PTPRH: variants seen among roughly 807,000 people sequenced by gnomAD.
The protein encoded by PTPRH is protein tyrosine phosphatase receptor type H.
PTPRH carries 113 observed loss-of-function variants against 130.2 expected under a neutral mutation model. That is an observed-to-expected ratio of 0.87 (90% CI 0.75 to 1.01). The LOEUF (loss-of-function observed/expected upper bound fraction) is 1.01. Ranked by LOEUF, PTPRH falls within the 50% of genes least tolerant of loss-of-function variation. The pLI, the probability that PTPRH is intolerant of heterozygous loss-of-function variation, is 0.00. For missense variants in PTPRH, 1,430 were observed against 1,425.0 expected (o/e 1.00, Z -0.06); for synonymous variants, 556 against 577.9 (o/e 0.96, Z 0.54).
intron 5 of PTPRH, 125 bp downstream of exon 5, chr19:55,203,657 C>G (rs1408455685): frequency 8.7e-7 from 1 of 1,153,234 alleles, no homozygotes; most frequent in Non-Finnish European, 1.2e-6. Context: ...AATTGAAATT[C>G]TCACCTGTGG....
At position 55,202,179 on chromosome 19, in the gene PTPRH, G is replaced by A. The variant is rs370232572; in HGVS notation, c.1030C>T (p.Arg344Ter). 3.3e-5 allele frequency: 54 copies of A among 1,613,976 alleles called. No individual in the cohort carries two copies. Among genetic ancestry groups the A allele is most frequent in the Non-Finnish European group, 4.4e-5 (52 of 1,180,020 alleles). Residue 344 changes from arginine (R) to a stop codon, truncating the protein, a stop_gained, in exon 6 of 20, where the codon CGA (arginine) becomes TGA (stop). Transcript: ENST00000376350. LOFTEE classifies it high-confidence loss of function. The part of the protein sequence containing the change: ...YTGDGGRAGT[R>*]STAHTNITVD... Reference sequence around the variant, plus strand: ...GTGATGTTGGTGTGTGCTGTGCTTCGAGTCCCTGCTCTGCCACCATCTCCA... The same window carrying A: ...GTGATGTTGGTGTGTGCTGTGCTTCAAGTCCCTGCTCTGCCACCATCTCCA...
chr19:55,206,803 TTG>T lies in PTPRH; in HGVS notation c.236_237del (p.Thr79AsnfsTer29), dbSNP rs763825129. 86 of 1,614,056 alleles carry T rather than the reference TTG, an allele frequency of 5.3e-5. No homozygotes were observed. Among genetic ancestry groups the T allele is most frequent in the Middle Eastern group, 1.6e-4 (1 of 6,084 alleles). On this transcript the variant is annotated frameshift_variant, in exon 3 of 20. Transcript: ENST00000376350. LOFTEE classifies it high-confidence loss of function. Reference protein sequence around the residue: ...GDGGTTETRNTTATNVTVDGL... With the variant: ...GDGGTTETRNXTATNVTVDGL... ...CCATCCACGGTGACGTTGGTGGCTG[TTG>T]TGTTTCGAGTCTCTGTTGTGCCGCC... is the stretch of plus-strand genomic sequence containing the variant.
rs2147403265 is a variant in PTPRH, at chr19:55,187,501, C to T, written c.2566+12G>A. 6.2e-7 allele frequency: 1 copy of T among 1,605,796 alleles called. No homozygotes were observed. Among genetic ancestry groups the T allele is most frequent in the Non-Finnish European group, 8.5e-7 (1 of 1,173,482 alleles). On this transcript the variant is annotated intron_variant, in intron 14 of 19. Coordinates refer to ENST00000376350, the MANE Select transcript of PTPRH (RefSeq NM_002842.5). ...AGGGCTGGGACAAAAGCAGCAGGAA[C>T]CCGAGACTCACAGGGCAGCACATTT...
In PTPRH at chr19:55,203,289, T is replaced by C. The variant is rs940612349; in HGVS notation, c.886+493A>G. On this transcript the variant is annotated intron_variant, in intron 5 of 19. Transcript: ENST00000376350. The stretch of plus-strand genomic sequence containing the variant: ...TTGCAGTGAGCCAAGATTGCGCCAC[T>C]GCACTCCAGCCTGGGCGACAGAGGG... Among the ~76,000 whole-genome samples, 8 of 134,446 alleles carry C rather than the reference T, an allele frequency of 6.0e-5. No homozygotes were observed. In the East Asian group the frequency reaches 6.6e-4, roughly 11 times the overall value. The allele number at this position is 134,446 out of a possible 152,430, so 88.2% of individuals were successfully genotyped here. A position where few individuals can be genotyped will look rare whatever the true frequency, so the allele number is the denominator to read the frequency against.
At chr19:55,197,061 C>CA in intron 9 of PTPRH, 56 bp downstream of exon 9, 3 of 1,584,732 alleles carry the variant, frequency 1.9e-6, no homozygotes, top group Non-Finnish European at 2.6e-6. Context: ...TCTCAGCTCG[C>CA]AAGGACTGTG....
chr19:55,201,306 A>G (rs902507434), intron 6 of PTPRH, among the ~76,000 whole-genome samples: 1 of 151,588 alleles, frequency 6.6e-6, no homozygotes, highest in Non-Finnish European at 1.5e-5. Flanking sequence ...CAGCCCAGGA[A>G]TTTGAGGCTG....
chr19:55,203,907 GTC>G lies in PTPRH; in HGVS notation c.759_760del (p.Glu253AspfsTer33), dbSNP rs1327032795. ...GACTCTGGTGTCTGTTGTGTTTCGA[GTC>G]TCTGTTCTGCCACCATCTCCAGTGC... is the stretch of plus-strand genomic sequence containing the variant. On this transcript the variant is annotated frameshift_variant, in exon 5 of 20. Transcript: ENST00000376350. LOFTEE classifies it high-confidence loss of function. 1.2e-6 allele frequency: 2 copies of G among 1,614,074 alleles called. No individual in the cohort carries two copies. Among genetic ancestry groups the G allele is most frequent in the East Asian group, 4.5e-5 (2 of 44,898 alleles).
At position 55,206,849 on chromosome 19, in the gene PTPRH, C is replaced by G. The variant is rs1452741809; in HGVS notation, c.192G>C (p.Trp64Cys). The change falls in exon 3 of 20, where the codon TGG becomes TGC. Residue 64 changes from tryptophan (W) to cysteine (C), a missense_variant. Trp to Cys is a radical substitution (Grantham distance 215). Transcript: ENST00000376350. ...TGCCGCCGTCTCCAGTACACTGAACCCAGTAGTTGGAGTTCTGTGAGTCTA... is the reference window on the plus strand; with the variant it reads ...TGCCGCCGTCTCCAGTACACTGAACGCAGTAGTTGGAGTTCTGTGAGTCTA... Reference protein sequence around the residue: ...DGLDSQNSNYWVQCTGDGGTT... With the variant: ...DGLDSQNSNYCVQCTGDGGTT... The G allele has an allele frequency of 3.7e-6, 6 of 1,614,146 alleles. No homozygotes were observed. Among genetic ancestry groups the G allele is most frequent in the Non-Finnish European group, 5.1e-6 (6 of 1,180,006 alleles).
chr19:55,183,400 G>A (rs748303059), intron 18 of PTPRH, among the ~76,000 whole-genome samples: 1 of 149,170 alleles, frequency 6.7e-6, no homozygotes, highest in Non-Finnish European at 1.5e-5. Context: ...GCAAGATTCC[G>A]TCCCCCACAA....
chr19:55,191,642 C>T (rs1220602794), intron 11 of PTPRH, 21 bp downstream of exon 11: 4 of 1,613,256 alleles, frequency 2.5e-6, no homozygotes, highest in African/African-American at 1.3e-5. Flanking sequence ...TCCAGGCGGT[C>T]AGCCCTGTGC....
intron 8 of PTPRH, among the ~76,000 whole-genome samples, chr19:55,198,150 G>A (rs1000289007): frequency 1.6e-4 from 24 of 152,276 alleles, no homozygotes; most frequent in Admixed American, 9.2e-4. Flanking sequence ...CCAGGAGGTC[G>A]AGGCTGCAGT....
intron 16 of PTPRH, 103 bp from the exon 17 acceptor site, chr19:55,186,087 G>T (rs2086315368): frequency 2.5e-6 from 4 of 1,592,560 alleles, no homozygotes; most frequent in Non-Finnish European, 2.6e-6. Context: ...TGGGGGGAGA[G>T]TGGGGAACAG....
chr19:55,207,154 G>A lies in PTPRH; in HGVS notation c.85+12C>T, dbSNP rs2087093684. 6.2e-7 allele frequency: 1 copy of A among 1,613,206 alleles called. No homozygotes were observed. The highest frequency in any genetic ancestry group is 8.5e-7 in the Non-Finnish European group (1 of 1,179,708). On this transcript the variant is annotated intron_variant, in intron 2 of 19. Coordinates refer to ENST00000376350, the MANE Select transcript of PTPRH (RefSeq NM_002842.5). ...TTCGAGTGGGCAGTGAGTTCAGGCA[G>A]GGGTCACTCACCAGGCGCCCTGGCC... is the stretch of plus-strand genomic sequence containing the variant.
In PTPRH at chr19:55,188,159, C is replaced by T. The variant is rs2147410339; in HGVS notation, c.2394G>A (p.Gly798=). Residue 798 remains glycine (G), a synonymous_variant, in exon 13 of 20, where the codon GGG becomes GGA. Coordinates refer to ENST00000376350, the MANE Select transcript of PTPRH (RefSeq NM_002842.5). ...ELRDLVFSSP[G]DIPAEDFADH... ...CAGCGAAGTCTTCAGCTGGGATGTC[C>T]CCTGGGGAGCTACGGGTTTTGGGGG... is the stretch of plus-strand genomic sequence containing the variant. The T allele has an allele frequency of 6.2e-7, 1 of 1,613,754 alleles. No homozygotes were observed. The highest frequency in any genetic ancestry group is 1.7e-5 in the Admixed American group (1 of 59,976).
chr19:55,204,755 G>A (rs1033504771), intron 4 of PTPRH, among the ~76,000 whole-genome samples: 1 of 152,204 alleles, frequency 6.6e-6, no homozygotes, highest in East Asian at 1.9e-4. Flanking sequence ...CCACCTTCCA[G>A]TATGGTAGGA....
chr19:55,206,568 C>T (rs538489098), intron 3 of PTPRH, 121 bp downstream of exon 3: 23 of 1,041,280 alleles, frequency 2.2e-5, no homozygotes, highest in Admixed American at 1.0e-4. Flanking sequence ...GAAATTCTCA[C>T]GTGTGGCTTC....
Position 55,196,537 on chromosome 19 carries a change from G to A in PTPRH, c.2242C>T (p.His748Tyr). 6.2e-7 allele frequency: 1 copy of A among 1,611,638 alleles called. No homozygotes were observed. The highest frequency in any genetic ancestry group is 1.1e-5 in the South Asian group (1 of 90,986). Residue 748 changes from histidine (H) to tyrosine (Y), a missense_variant, in exon 10 of 20, where the codon CAC (histidine) becomes TAC (tyrosine). His to Tyr is a moderately conservative substitution (Grantham distance 83). Coordinates refer to ENST00000376350, the MANE Select transcript of PTPRH (RefSeq NM_002842.5). The stretch of plus-strand genomic sequence containing the variant: ...CTCCGCTCACCTGCACTCTCGGTGT[G>A]GCAGACCACAGAGTGAGACACGACC... The part of the protein sequence containing the change: ...MKVVSHSVVC[H>Y]TESAGVIAGA...
chr19:55,191,542 C>A lies in PTPRH; in HGVS notation c.2343G>T (p.Lys781Asn), dbSNP rs2288523. The change falls in exon 12 of 20, where the codon AAG (lysine) becomes AAT (asparagine). Residue 781 changes from lysine (K) to asparagine (N), a missense_variant. By Grantham distance (94) the Lys-to-Asn change is moderately conservative. Coordinates refer to ENST00000376350, the MANE Select transcript of PTPRH (RefSeq NM_002842.5). Reference protein sequence around the residue: ...LLIFFLKRRNKKKQQKPELRD... With the variant: ...LLIFFLKRRNNKKQQKPELRD... ...TGAGTTCTGGTTTCTGCTGCTTCTT[C>A]TTATTCCTGGGAAAAGGACGTTAGG... 0.17 allele frequency: 271,735 copies of A among 1,613,850 alleles called. 28,373 individuals are homozygous for A. The highest frequency in any genetic ancestry group is 0.42 in the Admixed American group (25,354 of 59,976).
In PTPRH at chr19:55,209,460, GAGTCCCAGGCCT is replaced by G; in HGVS notation, c.-39_-28del. 1 of 1,506,070 alleles carries G rather than the reference GAGTCCCAGGCCT, an allele frequency of 6.6e-7. No individual in the cohort carries two copies. The highest frequency in any genetic ancestry group is 1.2e-5 in the South Asian group (1 of 83,268). 93.3% of individuals were successfully genotyped at this position (1,506,070 alleles called of 1,614,324 possible). On this transcript the variant is annotated 5_prime_UTR_variant, in exon 1 of 20. Coordinates refer to ENST00000376350, the MANE Select transcript of PTPRH (RefSeq NM_002842.5). This position sits in a 1 kb window ranked among gnomAD's most constrained non-coding sequence, Gnocchi z 4.1. ...CCTCCAGACACTGCCGGGGACCCAG[GAGTCCCAGGCCT>G]AGTCCTTCCACCTGCTGGACTTTAC...
Sources: allele counts gnomAD v4.1 joint callset (sites outside exome capture counted in the v4.1 genomes callset), GRCh38; gene constraint gnomAD v4.1.1; non-coding constraint Gnocchi (gnomAD v3.1); transcripts MANE v1.5; gene names NCBI Gene and HGNC (gene_info 2026-07-23, HGNC 2026-07-21).